The following BRD1 variants were observed in gnomAD, a reference collection of about 807,000 sequenced individuals.
BRD1 encodes bromodomain containing 1.
In BRD1, 24 loss-of-function variants were observed where a neutral mutation model predicts 107.7. That is an observed-to-expected ratio of 0.22 (90% CI 0.16 to 0.31). The LOEUF (loss-of-function observed/expected upper bound fraction) is 0.31. BRD1 is among the 10% of genes least tolerant of loss of function. The probability of loss-of-function intolerance (pLI) is 1.00; values close to 1 mark genes in which losing one functional copy is unlikely to be tolerated. For missense variants in BRD1, 1,279 were observed against 1,638.6 expected, an observed-to-expected ratio of 0.78 and a Z score of 3.79; for synonymous variants, 744 against 686.1, an observed-to-expected ratio of 1.08 and a Z score of -1.32.
At position 49,823,445 on chromosome 22, in the gene BRD1, G is replaced by A. The variant is rs1305617577; in HGVS notation, c.873C>T (p.His291=). The A allele has an allele frequency of 5.6e-6, 9 of 1,611,370 alleles. No individual in the cohort carries two copies. Among genetic ancestry groups the A allele is most frequent in the African/African-American group, 2.7e-5 (2 of 75,038 alleles). ...CTGGGATCCACAGGGCACACACCACGTGACCCCAGCGGTCGTCATCTGTCT... is the reference window on the plus strand; with the variant it reads ...CTGGGATCCACAGGGCACACACCACATGACCCCAGCGGTCGTCATCTGTCT... ...FKKTDDDRWG[H]VVCALWIPEV... Residue 291 remains histidine, a synonymous_variant, in exon 2 of 13, where the codon CAC becomes CAT. Coordinates refer to ENST00000404760, the MANE Select transcript of BRD1 (RefSeq NM_001304808.3).
In BRD1 at chr22:49,776,900, C is replaced by G. The variant is rs143250958; in HGVS notation, c.3121+134G>C. The stretch of plus-strand genomic sequence containing the variant: ...CCTCGGTGTGTGATGAACCCTTCCC[C>G]GGGAGGTTGGCCAGGGTGGGGCTCC... On this transcript the variant is annotated intron_variant, in intron 10 of 12. Coordinates refer to ENST00000404760, the MANE Select transcript of BRD1 (RefSeq NM_001304808.3). 23 of 1,310,262 alleles carry G rather than the reference C, an allele frequency of 1.8e-5. No individual in the cohort carries two copies. In the African/African-American group the frequency reaches 3.0e-4, roughly 17 times the overall value. The allele number at this position is 1,310,262 out of a possible 1,614,324, so 81.2% of individuals were successfully genotyped here.
intron 8 of BRD1, among the ~76,000 whole-genome samples, chr22:49,786,557 A>G (rs77452047): frequency 0.014 from 2,131 of 152,316 alleles, 48 homozygotes; most frequent in African/African-American, 0.049. Flanking sequence ...GCCACATAAA[A>G]CAATGAGTAA....
At chr22:49,785,088 G>A (rs1467017592) in intron 8 of BRD1, among the ~76,000 whole-genome samples, 1 of 152,356 alleles carries the variant, frequency 6.6e-6, no homozygotes, top group African/African-American at 2.4e-5. Context: ...CGGGAAGCCC[G>A]CAAAACACTC....
rs1486035605 is a variant in BRD1, at chr22:49,824,450, C to T, written c.-14-119G>A. 2 of 1,468,984 alleles carry T rather than the reference C, an allele frequency of 1.4e-6. No homozygotes were observed. Among genetic ancestry groups the T allele is most frequent in the Non-Finnish European group, 1.8e-6 (2 of 1,117,690 alleles). The allele number at this position is 1,468,984 out of a possible 1,614,324, so 91.0% of individuals were successfully genotyped here. ...AGCTCAAAGCCCAATCAAAGCAAAA[C>T]TCACAGCTAACCTCTTTCCAAGGTG... On this transcript the variant is annotated intron_variant, in intron 1 of 12. Transcript: ENST00000404760. This position sits in a 1 kb window ranked among gnomAD's most constrained non-coding sequence, Gnocchi z 5.9.
rs1202297926 is a variant in BRD1, at chr22:49,827,594, A to G, written c.-112T>C. The G allele has an allele frequency of 1.4e-5, 2 of 143,314 alleles. No homozygotes were observed. The highest frequency in any genetic ancestry group is 3.1e-5 in the Non-Finnish European group (2 of 64,970). 8.9% of individuals were successfully genotyped at this position (143,314 alleles called of 1,614,324 possible). ...AATGGCGCCCGCGGCTCCTCCGCCA[A>G]CGGCCGCGCAGGCCGGGCCCCGCCG... On this transcript the variant is annotated 5_prime_UTR_variant, in exon 1 of 13. Transcript: ENST00000404760.
At chr22:49,825,126 AG>A (rs1230167391) in intron 1 of BRD1, among the ~76,000 whole-genome samples, 1 of 152,144 alleles carries the variant, frequency 6.6e-6, no homozygotes, top group Non-Finnish European at 1.5e-5. Flanking sequence ...GCACTCCTCA[AG>A]CCCCACTGAG....
chr22:49,797,558 C>T (rs1191403841), intron 6 of BRD1, among the ~76,000 whole-genome samples: 1 of 152,184 alleles, frequency 6.6e-6, no homozygotes, highest in Admixed American at 6.5e-5. Context: ...TCCTCAGTAA[C>T]GTTTACCGAT....
rs371554265 is a variant in BRD1, at chr22:49,794,101, G to A, written c.2292C>T (p.Pro764=). Residue 764 remains proline, a synonymous_variant, in exon 7 of 13, where the codon CCC becomes CCT. Coordinates refer to ENST00000404760, the MANE Select transcript of BRD1 (RefSeq NM_001304808.3). ...KLSQQHSQPL[P]TGPGLEGFEE... is the part of the protein sequence containing the mutation. ...CGAAGCCTTCCAAGCCTGGCCCCGT[G>A]GGCAGGGGCTGGCTGTGCTGCTGGC... 1.9e-4 allele frequency: 306 copies of A among 1,614,102 alleles called. No individual in the cohort carries two copies. Among genetic ancestry groups the A allele is most frequent in the Non-Finnish European group, 2.4e-4 (283 of 1,180,056 alleles).
At position 49,798,985 on chromosome 22, in the gene BRD1, C is replaced by T; in HGVS notation, c.1656+3G>A. On this transcript the variant is annotated splice_donor_region_variant and intron_variant, in intron 4 of 12. Coordinates refer to ENST00000404760, the MANE Select transcript of BRD1 (RefSeq NM_001304808.3). ...ACTCCACGCGGGACAGGCCCAGCCC[C>T]ACCTGCTCACGCTTGAGCTTCTCCC... is the stretch of plus-strand genomic sequence containing the variant. The T allele has an allele frequency of 6.2e-7, 1 of 1,602,826 alleles. No homozygotes were observed. The highest frequency in any genetic ancestry group is 1.1e-5 in the South Asian group (1 of 90,518).
At position 49,774,770 on chromosome 22, in the gene BRD1, G is replaced by A. The variant is rs569311700; in HGVS notation, c.3387-354C>T. Among the ~76,000 whole-genome samples, 12 of 152,396 alleles carry A rather than the reference G, an allele frequency of 7.9e-5. 1 individual carries two copies. Among genetic ancestry groups the A allele is most frequent in the Admixed American group, 7.2e-4 (11 of 15,314 alleles). ...GGTGGTTGGGGAGACCCCATCAAAG[G>A]GGCCCTCGGATGGACAAGGTGTGGG... On this transcript the variant is annotated intron_variant, in intron 12 of 12. Coordinates refer to ENST00000404760, the MANE Select transcript of BRD1 (RefSeq NM_001304808.3).
At chr22:49,826,313 A>T in intron 1 of BRD1, 1 of 958,460 alleles carries the variant, frequency 1.0e-6, no homozygotes, top group Non-Finnish European at 1.2e-6. Flanking sequence ...TCACGGCCAC[A>T]GCAGCTCCAT....
At position 49,787,682 on chromosome 22, in the gene BRD1, G is replaced by C; in HGVS notation, c.2565C>G (p.Thr855=). 6.4e-7 allele frequency: 1 copy of C among 1,550,664 alleles called. No individual in the cohort carries two copies. Among genetic ancestry groups the C allele is most frequent in the Non-Finnish European group, 8.7e-7 (1 of 1,146,986 alleles). ...ALVSGRPPEP[T]RASSGDVPAA... The stretch of plus-strand genomic sequence containing the variant: ...CCGGCACATCGCCACTACTGGCGCG[G>C]GTGGGCTCTGGAGGGCGTCCGCTTA... The change falls in exon 8 of 13, where the codon ACC becomes ACG. Residue 855 remains threonine, a synonymous_variant. Coordinates refer to ENST00000404760, the MANE Select transcript of BRD1 (RefSeq NM_001304808.3).
chr22:49,783,064 T>G lies in BRD1; in HGVS notation c.2857+4326A>C, dbSNP rs1876117477. Among the ~76,000 whole-genome samples, 1 of 151,184 alleles carries G rather than the reference T, an allele frequency of 6.6e-6. No individual in the cohort carries two copies. The highest frequency in any genetic ancestry group is 1.5e-5 in the Non-Finnish European group (1 of 67,880). ...CGTGCTGGGACTCGCTCCGTGACAA[T>G]GCAGCTGGGATGGTCAGAGACAGAA... is the stretch of plus-strand genomic sequence containing the variant. On this transcript the variant is annotated intron_variant, in intron 8 of 12. Transcript: ENST00000404760. This position sits in a 1 kb window ranked among gnomAD's most constrained non-coding sequence, Gnocchi z 4.2.
At chr22:49,787,311 C>T (rs899005628) in intron 8 of BRD1, 79 bp downstream of exon 8, 2 of 1,045,352 alleles carry the variant, frequency 1.9e-6, no homozygotes, top group Middle Eastern at 3.2e-4. Context: ...CCCCCCCCCC[C>T]CGTCACACCA....
chr22:49,794,539 G>A (rs1352489460), intron 6 of BRD1, among the ~76,000 whole-genome samples: 1 of 152,240 alleles, frequency 6.6e-6, no homozygotes, highest in Admixed American at 6.5e-5. Flanking sequence ...TGTCAGCACA[G>A]AAGGGGCAGC....
intron 2 of BRD1, among the ~76,000 whole-genome samples, chr22:49,814,751 G>A (rs78722500): frequency 0.025 from 3,754 of 152,330 alleles, 93 homozygotes; most frequent in South Asian, 0.064. Context: ...TAGCACCTAG[G>A]CTGGAGCAGA....
intron 7 of BRD1, among the ~76,000 whole-genome samples, chr22:49,789,628 G>C (rs2059395007): frequency 6.6e-6 from 1 of 152,190 alleles, no homozygotes; most frequent in South Asian, 2.1e-4. Context: ...GGCCAGCAGA[G>C]ATGGAGCCTG....
At chr22:49,812,061 AAG>A (rs2059859630) in intron 2 of BRD1, among the ~76,000 whole-genome samples, 1 of 152,144 alleles carries the variant, frequency 6.6e-6, no homozygotes, top group Non-Finnish European at 1.5e-5. Context: ...GCAGAAATAA[AAG>A]AACATGGATA....
chr22:49,811,013 G>T (rs2147269729), intron 2 of BRD1, among the ~76,000 whole-genome samples: 1 of 152,224 alleles, frequency 6.6e-6, no homozygotes, highest in Non-Finnish European at 1.5e-5. Flanking sequence ...ATCAAAAGAT[G>T]AACAGATTTT....
Sources: allele counts gnomAD v4.1 joint callset (sites outside exome capture counted in the v4.1 genomes callset), GRCh38; gene constraint gnomAD v4.1.1; non-coding constraint Gnocchi (gnomAD v3.1); transcripts MANE v1.5; gene names NCBI Gene and HGNC (gene_info 2026-07-23, HGNC 2026-07-21).